Variants in DCDC1 observed in about 807,000 individuals in gnomAD.
The protein encoded by DCDC1 is doublecortin domain containing 1.
In DCDC1, 200 loss-of-function variants were observed where a neutral mutation model predicts 178.3. That is an observed-to-expected ratio of 1.12 (90% CI 1.00 to 1.26). The LOEUF is 1.26. DCDC1 is among the 50% of genes most tolerant of loss of function. The probability of loss-of-function intolerance (pLI) is 0.00; values close to 1 mark genes in which losing one functional copy is unlikely to be tolerated. For missense variants in DCDC1, 1,983 were observed against 1,749.2 expected, an observed-to-expected ratio of 1.13 and a Z score of -2.38; for synonymous variants, 690 against 604.8, an observed-to-expected ratio of 1.14 and a Z score of -2.07.
intron 20 of DCDC1, among the ~76,000 whole-genome samples, chr11:31,045,895 T>C (rs769946866): frequency 2.0e-5 from 3 of 152,204 alleles, no homozygotes. Context: ...AAACCCATTT[T>C]CCAAGCTTCT....
chr11:31,139,843 T>C (rs1233940920), intron 9 of DCDC1, among the ~76,000 whole-genome samples: 1 of 152,036 alleles, frequency 6.6e-6, no homozygotes, highest in Non-Finnish European at 1.5e-5. Flanking sequence ...AACAGACCAA[T>C]GCTACTGAAA....
intron 34 of DCDC1, 141 bp from the exon 35 acceptor site, chr11:30,894,525 G>T: frequency 1.7e-6 from 2 of 1,199,310 alleles, no homozygotes; most frequent in Non-Finnish European, 2.3e-6. Flanking sequence ...AAGCAAAGAT[G>T]CCTAAGGTAA....
intron 9 of DCDC1, among the ~76,000 whole-genome samples, chr11:31,204,312 T>A (rs1971632166): frequency 6.6e-6 from 1 of 150,868 alleles, no homozygotes; most frequent in South Asian, 2.1e-4. Flanking sequence ...TTCAAGAGGG[T>A]AGAAAAAGTA....
intron 21 of DCDC1, among the ~76,000 whole-genome samples, chr11:30,939,484 C>A (rs1243943479): frequency 6.6e-6 from 1 of 152,302 alleles, no homozygotes; most frequent in East Asian, 1.9e-4. Flanking sequence ...CAGGCACATC[C>A]AGGGCAGTCA....
At chr11:31,153,501 G>A (rs1242732761) in intron 9 of DCDC1, among the ~76,000 whole-genome samples, 1 of 152,096 alleles carries the variant, frequency 6.6e-6, no homozygotes, top group African/African-American at 2.4e-5. Flanking sequence ...GTAGATTACT[G>A]GCCAGTCGCA....
intron 20 of DCDC1, among the ~76,000 whole-genome samples, chr11:31,005,940 G>T (rs1590732476): frequency 8.4e-6 from 1 of 119,290 alleles, no homozygotes; most frequent in Non-Finnish European, 1.6e-5. Context: ...CAGGCATATA[G>T]CTCTTATTCC....
Position 30,911,360 on chromosome 11 carries a change from T to G in DCDC1, c.3714A>C (p.Arg1238Ser), listed in dbSNP as rs1945435820. The G allele has an allele frequency of 1.2e-6, 2 of 1,606,216 alleles. No homozygotes were observed. The highest frequency in any genetic ancestry group is 1.3e-5 in the African/African-American group (1 of 74,962). Residue 1238 changes from arginine (R) to serine (S), a missense_variant, in exon 28 of 39, where the codon AGA becomes AGC. Physicochemically the swap from Arg to Ser is moderately radical, Grantham distance 110. Transcript: ENST00000684477. ...LVLAVSMTKTRNEVCGYPVIV... is the reference protein window; with the variant it reads ...LVLAVSMTKTSNEVCGYPVIV... ...TAACTGGATAGCCACAAACTTCATTTCTAGTCTTGGTCATAGACACTGCCA... is the reference window on the plus strand; with the variant it reads ...TAACTGGATAGCCACAAACTTCATTGCTAGTCTTGGTCATAGACACTGCCA...
At chr11:31,339,569 T>C (rs540091975) in intron 1 of DCDC1, among the ~76,000 whole-genome samples, 83 of 152,244 alleles carry the variant, frequency 5.5e-4, no homozygotes, top group South Asian at 1.7e-3. Context: ...ATATTATAGT[T>C]AAAAAAAATT....
At chr11:31,069,771 T>C (rs913762291) in intron 18 of DCDC1, among the ~76,000 whole-genome samples, 9 of 152,198 alleles carry the variant, frequency 5.9e-5, no homozygotes, top group African/African-American at 2.2e-4. Context: ...TGTAAGTTCA[T>C]TTCTGAGGTA....
chr11:31,184,265 T>C (rs1226910327), intron 9 of DCDC1, among the ~76,000 whole-genome samples: 1 of 152,190 alleles, frequency 6.6e-6, no homozygotes, highest in Non-Finnish European at 1.5e-5. Flanking sequence ...ACCGCTTCTT[T>C]ACACCTTATA....
chr11:30,911,317 C>G lies in DCDC1; in HGVS notation c.3747+10G>C. 1 of 1,591,290 alleles carries G rather than the reference C, an allele frequency of 6.3e-7. No individual in the cohort carries two copies. The highest frequency in any genetic ancestry group is 1.3e-5 in the African/African-American group (1 of 74,608). On this transcript the variant is annotated intron_variant, in intron 28 of 38. Transcript: ENST00000684477. ...AGGCCATGACTAATCTTTAGCCATA[C>G]ATATCTTACCTGAACAATAACTGGA...
In DCDC1 at chr11:31,244,674, A is replaced by C. The variant is rs946782084; in HGVS notation, c.1055-3058T>G. ...TCATTAAGCTAACCCTCAACATTTCATATTAAATGGTTTGGAAGTTAATCA... is the reference window on the plus strand; with the variant it reads ...TCATTAAGCTAACCCTCAACATTTCCTATTAAATGGTTTGGAAGTTAATCA... On this transcript the variant is annotated intron_variant, in intron 8 of 38. Transcript: ENST00000684477. Among the ~76,000 whole-genome samples, 128 of 151,842 alleles carry C rather than the reference A, an allele frequency of 8.4e-4. 1 individual carries two copies. The highest frequency in any genetic ancestry group is 3.0e-3 in the African/African-American group (125 of 41,498).
chr11:30,901,671 C>G (rs1051498228), intron 32 of DCDC1, among the ~76,000 whole-genome samples: 1 of 152,044 alleles, frequency 6.6e-6, no homozygotes, highest in African/African-American at 2.4e-5. Flanking sequence ...TTTGATAGTC[C>G]TACACTAATA....
intron 22 of DCDC1, among the ~76,000 whole-genome samples, chr11:30,931,403 TATATA>T (rs1946913437): frequency 6.6e-6 from 1 of 151,772 alleles, no homozygotes; most frequent in Admixed American, 6.6e-5. Flanking sequence ...TAATTTAACT[TATATA>T]AGGAGTTACA....
chr11:31,218,632 A>G (rs1181524235), intron 9 of DCDC1, among the ~76,000 whole-genome samples: 1 of 152,196 alleles, frequency 6.6e-6, no homozygotes, highest in African/African-American at 2.4e-5. Flanking sequence ...ATACTTTTAT[A>G]AAAGAAAAAA....
intron 9 of DCDC1, among the ~76,000 whole-genome samples, chr11:31,160,080 G>T (rs1393213589): frequency 6.6e-6 from 1 of 152,044 alleles, no homozygotes; most frequent in Non-Finnish European, 1.5e-5. Context: ...ATTAATAGGT[G>T]ACTATAAGCC....
At chr11:31,085,164 AG>A (rs1430892751) in intron 17 of DCDC1, among the ~76,000 whole-genome samples, 2 of 149,550 alleles carry the variant, frequency 1.3e-5, no homozygotes, top group African/African-American at 5.0e-5. Context: ...ATTGTTTTTA[AG>A]GTTTTTTTTT....
At chr11:31,051,127 T>TA (rs989290388) in intron 20 of DCDC1, among the ~76,000 whole-genome samples, 7 of 151,806 alleles carry the variant, frequency 4.6e-5, no homozygotes, top group African/African-American at 7.3e-5. Context: ...ATAGATAGCT[T>TA]AAAAAAAATC....
At chr11:31,153,520 C>T (rs914284051) in intron 9 of DCDC1, among the ~76,000 whole-genome samples, 11 of 152,202 alleles carry the variant, frequency 7.2e-5, no homozygotes, top group African/African-American at 2.6e-4. Context: ...CAGTGGCTCA[C>T]GCATGTAACC....
Sources: allele counts gnomAD v4.1 joint callset (sites outside exome capture counted in the v4.1 genomes callset), GRCh38; gene constraint gnomAD v4.1.1; transcripts MANE v1.5; gene names NCBI Gene and HGNC (gene_info 2026-07-23, HGNC 2026-07-21).